The following FTCDNL1 variants were observed in gnomAD, a reference collection of about 807,000 sequenced individuals.
FTCDNL1 encodes formiminotransferase cyclodeaminase N-terminal like.
FTCDNL1 carries 11 observed loss-of-function variants against 5.9 expected under a neutral mutation model. The ratio of observed to expected loss-of-function variants is 1.87; its 90% confidence interval spans 1.18 to 3.10. FTCDNL1 has a LOEUF of 3.10. Ranked by LOEUF, FTCDNL1 falls within the 30% of genes most tolerant of loss-of-function variation. FTCDNL1 has a pLI of 0.00. For missense variants in FTCDNL1, 115 were observed against 65.5 expected (o/e 1.76, Z -2.61); for synonymous variants, 58 against 24.8 (o/e 2.34, Z -3.99).
At chr2:199,676,773 A>C in the FTCDNL1 span, among the ~76,000 whole-genome samples, 1 of 152,216 alleles carries the variant, frequency 6.6e-6, no homozygotes, top group East Asian at 1.9e-4. Context: ...CCAAAACCTA[A>C]CAAAGAAGGC....
At chr2:199,717,188 C>T in the FTCDNL1 span, among the ~76,000 whole-genome samples, 4 of 152,152 alleles carry the variant, frequency 2.6e-5, no homozygotes, top group Admixed American at 1.3e-4. Context: ...TTTTTGCTGA[C>T]TGTGGAACAC....
the FTCDNL1 span, among the ~76,000 whole-genome samples, chr2:199,698,659 C>T: frequency 6.6e-6 from 1 of 151,974 alleles, no homozygotes; most frequent in Non-Finnish European, 1.5e-5. Flanking sequence ...TGCTAAATGC[C>T]CACATCAAAA....
Position 199,810,821 on chromosome 2 carries a change from C to T in FTCDNL1, c.*1884G>A, listed in dbSNP as rs533109189. On this transcript the variant is annotated 3_prime_UTR_variant, in exon 5 of 5. Transcript: ENST00000420128. ...TCAGCATGTGATCATTCCTTAGCTACTATTTCAACATTATTTTACTGTCAT... is the reference window on the plus strand; with the variant it reads ...TCAGCATGTGATCATTCCTTAGCTATTATTTCAACATTATTTTACTGTCAT... Among the ~76,000 whole-genome samples the T allele has an allele frequency of 6.6e-6, 1 of 152,218 alleles. No homozygotes were observed. The highest frequency in any genetic ancestry group is 6.5e-5 in the Admixed American group (1 of 15,280).
At chr2:199,786,634 C>T (rs1699663413) in intron 3 of FTCDNL1, among the ~76,000 whole-genome samples, 1 of 152,152 alleles carries the variant, frequency 6.6e-6, no homozygotes, top group South Asian at 2.1e-4. Context: ...ATTTAACATA[C>T]ATTTACCATA....
At chr2:199,775,802 T>C (rs1199467088) in intron 3 of FTCDNL1, among the ~76,000 whole-genome samples, 1 of 152,196 alleles carries the variant, frequency 6.6e-6, no homozygotes, top group African/African-American at 2.4e-5. Context: ...TACTAATCTC[T>C]TGCATATGTT....
chr2:199,690,368 T>G, the FTCDNL1 span, among the ~76,000 whole-genome samples: 1 of 152,184 alleles, frequency 6.6e-6, no homozygotes, highest in African/African-American at 2.4e-5. Context: ...GAGTAGAGCT[T>G]AGCTTCTGCC....
the FTCDNL1 span, among the ~76,000 whole-genome samples, chr2:199,739,120 G>A: frequency 6.6e-6 from 1 of 152,332 alleles, no homozygotes; most frequent in East Asian, 1.9e-4. Context: ...TCCTTAAAGT[G>A]TATGTCTCTC....
At chr2:199,711,349 T>C in the FTCDNL1 span, among the ~76,000 whole-genome samples, 190 of 124,488 alleles carry the variant, frequency 1.5e-3, 1 homozygote, top group African/African-American at 5.7e-3. Flanking sequence ...AAGGTGACTA[T>C]CTAATGGGGG....
intron 3 of FTCDNL1, among the ~76,000 whole-genome samples, chr2:199,841,801 A>T (rs1352349494): frequency 6.6e-6 from 1 of 152,162 alleles, no homozygotes; most frequent in Non-Finnish European, 1.5e-5. Flanking sequence ...GGCCAATATC[A>T]TCCTTCCAAA....
At chr2:199,675,283 T>C in the FTCDNL1 span, among the ~76,000 whole-genome samples, 1 of 152,182 alleles carries the variant, frequency 6.6e-6, no homozygotes, top group Admixed American at 6.5e-5. Flanking sequence ...ATTTTAACTA[T>C]AAGTAATCAC....
chr2:199,765,404 C>T (rs1334678616), intron 3 of FTCDNL1, among the ~76,000 whole-genome samples: 1 of 150,310 alleles, frequency 6.7e-6, no homozygotes, highest in Non-Finnish European at 1.5e-5. Context: ...GCTACAACTG[C>T]TCTAAAAATA....
chr2:199,831,245 C>T lies in FTCDNL1; in HGVS notation c.212-11488G>A, dbSNP rs147340983. On this transcript the variant is annotated intron_variant, in intron 3 of 4. Transcript: ENST00000420128. ...ATTATGGAAATGAGGTCAGGATAAG[C>T]ACTTAATTGATTTTCATATAAAATT... is the stretch of plus-strand genomic sequence containing the variant. Among the ~76,000 whole-genome samples, 40 of 152,226 alleles carry T rather than the reference C, an allele frequency of 2.6e-4. 2 individuals are homozygous for T. The East Asian group carries it at 7.7e-3, about 29-fold the overall frequency.
At position 199,812,352 on chromosome 2, in the gene FTCDNL1, C is replaced by A. The variant is rs1701083606; in HGVS notation, c.*353G>T. The stretch of plus-strand genomic sequence containing the variant: ...TCCATTTAATCCTTCCAAGTCAAAA[C>A]CAATACGGTGATCCAATTATACTGA... On this transcript the variant is annotated 3_prime_UTR_variant, in exon 5 of 5. Coordinates refer to ENST00000420128, the MANE Select transcript of FTCDNL1 (RefSeq NM_001363886.2). Among the ~76,000 whole-genome samples, 1 of 150,980 alleles carries A rather than the reference C, an allele frequency of 6.6e-6. No individual in the cohort carries two copies. Among genetic ancestry groups the A allele is most frequent in the African/African-American group, 2.4e-5 (1 of 41,364 alleles).
At chr2:199,792,648 G>A (rs537695353) in intron 3 of FTCDNL1, among the ~76,000 whole-genome samples, 8 of 152,076 alleles carry the variant, frequency 5.3e-5, no homozygotes, top group Non-Finnish European at 8.8e-5. Flanking sequence ...ATTCTCACCC[G>A]TCTCGCTAAT....
chr2:199,818,855 A>G (rs1424791247), intron 4 of FTCDNL1: 1 of 152,168 alleles, frequency 6.6e-6, no homozygotes, highest in Non-Finnish European at 1.5e-5. Flanking sequence ...TGGCCCCAAC[A>G]GAGTCTGAAA....
intron 3 of FTCDNL1, among the ~76,000 whole-genome samples, chr2:199,761,472 T>C (rs1442737535): frequency 6.6e-6 from 1 of 152,204 alleles, no homozygotes; most frequent in African/African-American, 2.4e-5. Flanking sequence ...GGATTCCTGA[T>C]CTCGATGTTT....
chr2:199,706,717 T>C, the FTCDNL1 span, among the ~76,000 whole-genome samples: 1 of 152,218 alleles, frequency 6.6e-6, no homozygotes, highest in Non-Finnish European at 1.5e-5. Context: ...ATAAAGTGAA[T>C]GGACAGCTGC....
At chr2:199,768,843 A>T (rs562470629) in intron 3 of FTCDNL1, among the ~76,000 whole-genome samples, 1 of 152,294 alleles carries the variant, frequency 6.6e-6, no homozygotes, top group African/African-American at 2.4e-5. Flanking sequence ...ATTGGAGGTA[A>T]GAATGAGAAG....
the FTCDNL1 span, among the ~76,000 whole-genome samples, chr2:199,686,052 G>T: frequency 6.6e-6 from 1 of 152,176 alleles, no homozygotes; most frequent in South Asian, 2.1e-4. Context: ...GGAATCTAAT[G>T]TGGGGCATGG....
Sources: allele counts gnomAD v4.1 joint callset (sites outside exome capture counted in the v4.1 genomes callset), GRCh38; gene constraint gnomAD v4.1.1; transcripts MANE v1.5; gene names NCBI Gene and HGNC (gene_info 2026-07-23, HGNC 2026-07-21).